ADCY1: variants seen among roughly 807,000 people sequenced by gnomAD.
ADCY1 encodes adenylate cyclase 1.
A neutral mutation model predicts 105.4 loss-of-function variants in ADCY1; 28 were observed. The observed-to-expected ratio is 0.27, with a 90% CI of 0.20 to 0.36. The LOEUF is 0.36. Ranked by LOEUF, ADCY1 falls within the 10% of genes least tolerant of loss-of-function variation. The pLI is 1.00. For missense variants in ADCY1, 977 were observed against 1,434.2 expected, an observed-to-expected ratio of 0.68 and a Z score of 5.15; for synonymous variants, 655 against 623.8, an observed-to-expected ratio of 1.05 and a Z score of -0.75.
chr7:45,671,331 G>A (rs181840496), intron 8 of ADCY1, among the ~76,000 whole-genome samples: 5 of 152,250 alleles, frequency 3.3e-5, no homozygotes, highest in Admixed American at 1.3e-4. Context: ...TTAGTCATTC[G>A]CTTGTTGAAG....
At chr7:45,696,070 G>A (rs746587127) in intron 14 of ADCY1, among the ~76,000 whole-genome samples, 14 of 152,212 alleles carry the variant, frequency 9.2e-5, no homozygotes, top group Non-Finnish European at 1.9e-4. Flanking sequence ...CAGACCCACC[G>A]GACATCCCCT....
Position 45,575,874 on chromosome 7 carries a change from T to TGCAAGGACGGGGAC in ADCY1, c.639+695_639+708dup, listed in dbSNP as rs1156748501. 6.6e-6 allele frequency among the ~76,000 whole-genome samples: 1 copy of TGCAAGGACGGGGAC among 152,248 alleles called. No individual in the cohort carries two copies. The highest frequency in any genetic ancestry group is 1.5e-5 in the Non-Finnish European group (1 of 68,042). On this transcript the variant is annotated intron_variant, in intron 1 of 19. Coordinates refer to ENST00000297323, the MANE Select transcript of ADCY1 (RefSeq NM_021116.4). This position sits in a 1 kb window ranked among gnomAD's most constrained non-coding sequence, Gnocchi z 4.7. ...TTCCCAGTCGGGCGGGCGAGATGGTTGCAAGGACGGGGACGCTGTCTGCCT... is the reference window on the plus strand; with the variant it reads ...TTCCCAGTCGGGCGGGCGAGATGGTTGCAAGGACGGGGACGCAAGGACGGGGACGCTGTCTGCCT...
chr7:45,598,974 G>A (rs998364439), intron 2 of ADCY1, among the ~76,000 whole-genome samples: 9 of 152,180 alleles, frequency 5.9e-5, no homozygotes, highest in Admixed American at 2.6e-4. Flanking sequence ...TTGGGTGGGC[G>A]TCAGGTGGAT....
At chr7:45,618,598 A>G (rs933696024) in intron 3 of ADCY1, among the ~76,000 whole-genome samples, 1 of 152,258 alleles carries the variant, frequency 6.6e-6, no homozygotes, top group Non-Finnish European at 1.5e-5. Flanking sequence ...GCAAATGGCC[A>G]ACAAGTATAT....
At chr7:45,680,334 T>C (rs751316072) in intron 11 of ADCY1, 5 of 176,790 alleles carry the variant, frequency 2.8e-5, no homozygotes, top group Non-Finnish European at 6.1e-5. Flanking sequence ...TGATGCCTCA[T>C]CTGCTTTGCT....
rs763942728 is a variant in ADCY1 at position 45,703,526 on chromosome 7, CCCTA to C, written c.2571+36_2571+39del. ...CCAGCCTGCTCCTGGCCAGCACTAG[CCCTA>C]CACTGCTCTGGCCACCCCACTTGGC... On this transcript the variant is annotated intron_variant, in intron 15 of 19. Coordinates refer to ENST00000297323, the MANE Select transcript of ADCY1 (RefSeq NM_021116.4). The surrounding 1 kb of genome is among the most constrained non-coding windows in gnomAD (Gnocchi z 5.9). The C allele has an allele frequency of 6.2e-7, 1 of 1,613,584 alleles. No homozygotes were observed. Among genetic ancestry groups the C allele is most frequent in the East Asian group, 2.2e-5 (1 of 44,850 alleles).
chr7:45,681,561 G>A (rs1209432095), intron 11 of ADCY1, among the ~76,000 whole-genome samples: 1 of 152,200 alleles, frequency 6.6e-6, no homozygotes, highest in Non-Finnish European at 1.5e-5. Flanking sequence ...GCAGAGTGGA[G>A]ACTAAGTGCC....
At chr7:45,608,751 G>A (rs1373737648) in intron 2 of ADCY1, among the ~76,000 whole-genome samples, 1 of 152,152 alleles carries the variant, frequency 6.6e-6, no homozygotes, top group Non-Finnish European at 1.5e-5. Context: ...TCCTCAGAAA[G>A]TGGGTGCCAA....
In ADCY1 at chr7:45,620,327, G is replaced by A. The variant is rs75258068; in HGVS notation, c.909-2305G>A. ...TATTTTACCTATAGTCAACAATAAT[G>A]TATAGTACACTTTAAAAAGAATTAG... On this transcript the variant is annotated intron_variant, in intron 3 of 19. Coordinates refer to ENST00000297323, the MANE Select transcript of ADCY1 (RefSeq NM_021116.4). Among the ~76,000 whole-genome samples the A allele has an allele frequency of 5.9e-3, 896 of 152,174 alleles. 8 individuals are homozygous for A. Among genetic ancestry groups the A allele is most frequent in the African/African-American group, 0.02 (847 of 41,504 alleles).
At position 45,708,475 on chromosome 7, in the gene ADCY1, C is replaced by G. The variant is rs1785165759; in HGVS notation, c.2932+11C>G. On this transcript the variant is annotated intron_variant, in intron 18 of 19. Coordinates refer to ENST00000297323, the MANE Select transcript of ADCY1 (RefSeq NM_021116.4). This position sits in a 1 kb window ranked among gnomAD's most constrained non-coding sequence, Gnocchi z 4.7. ...TTGTCCTCCGAGTTGGTATGTGGCT[C>G]TAAACCTATCCTGTCCATCCATGTG... The G allele has an allele frequency of 1.3e-6, 2 of 1,591,786 alleles. No homozygotes were observed.
chr7:45,602,314 G>A (rs1309005080), intron 2 of ADCY1, among the ~76,000 whole-genome samples: 1 of 152,020 alleles, frequency 6.6e-6, no homozygotes, highest in Non-Finnish European at 1.5e-5. Context: ...CGCAGCTGGA[G>A]AGCACAGGGT....
intron 4 of ADCY1, among the ~76,000 whole-genome samples, chr7:45,638,971 C>T (rs1311362575): frequency 2.0e-5 from 3 of 151,988 alleles, no homozygotes; most frequent in Middle Eastern, 3.4e-3. Context: ...GCAGGTGACC[C>T]CCATGAAGTA....
chr7:45,717,373 C>T lies in ADCY1; in HGVS notation c.*3378C>T, dbSNP rs1363965282. 2 of 152,570 alleles carry T rather than the reference C, an allele frequency of 1.3e-5. No homozygotes were observed. The highest frequency in any genetic ancestry group is 3.8e-4 in the East Asian group (2 of 5,200). The allele number at this position is 152,570 out of a possible 1,614,324, so 9.5% of individuals were successfully genotyped here. ...GGAACTGTGTTTAGCCATAATGTCC[C>T]TTGGGGTTTGGTGAAAAACAACTTC... On this transcript the variant is annotated 3_prime_UTR_variant, in exon 20 of 20. Transcript: ENST00000297323.
chr7:45,613,693 T>C (rs1488506110), intron 3 of ADCY1, among the ~76,000 whole-genome samples: 2 of 152,064 alleles, frequency 1.3e-5, no homozygotes, highest in Non-Finnish European at 2.9e-5. Flanking sequence ...ATAAGATGAA[T>C]ACCCCAAAAT....
At chr7:45,577,075 G>C (rs574658249) in intron 1 of ADCY1, among the ~76,000 whole-genome samples, 2 of 152,276 alleles carry the variant, frequency 1.3e-5, no homozygotes, top group African/African-American at 4.8e-5. Flanking sequence ...CCCTGTGACT[G>C]TCACTGTAGT....
At chr7:45,655,922 A>AT in intron 5 of ADCY1, among the ~76,000 whole-genome samples, 1 of 152,234 alleles carries the variant, frequency 6.6e-6, no homozygotes, top group South Asian at 2.1e-4. Flanking sequence ...TGAAAAATAA[A>AT]TTTTTTATTT....
At position 45,704,622 on chromosome 7, in the gene ADCY1, T is replaced by C; in HGVS notation, c.2817+6T>C. On this transcript the variant is annotated splice_donor_region_variant and intron_variant, in intron 17 of 19. Transcript: ENST00000297323. ...CGCCCACCTCGGGGACCAAGGTGAG[T>C]GCAGCCTGGCGCTGCCTGCTTGGGG... The C allele has an allele frequency of 6.2e-7, 1 of 1,612,602 alleles. No homozygotes were observed. The highest frequency in any genetic ancestry group is 8.5e-7 in the Non-Finnish European group (1 of 1,178,856).
rs78344730 is a variant in ADCY1 at position 45,578,914 on chromosome 7, T to C, written c.639+3732T>C. On this transcript the variant is annotated intron_variant, in intron 1 of 19. Transcript: ENST00000297323. ...CTGAAGTAGTAGGGATCCATTGCAG[T>C]GTGCAAATTATATGCTTTCAATTTC... Among the ~76,000 whole-genome samples the C allele has an allele frequency of 8.6e-3, 1,305 of 152,372 alleles. 77 individuals are homozygous for C. In the East Asian group the frequency reaches 0.13, roughly 15 times the overall value.
At position 45,722,133 on chromosome 7, in the gene ADCY1, G is replaced by A; in HGVS notation, c.*8138G>A. ...CAGGCACACGAAGCACAAGTCTCAG[G>A]GGACCATTCCCACATTGGGGGATCC... is the stretch of plus-strand genomic sequence containing the variant. On this transcript the variant is annotated 3_prime_UTR_variant, in exon 20 of 20. Coordinates refer to ENST00000297323, the MANE Select transcript of ADCY1 (RefSeq NM_021116.4). The A allele has an allele frequency of 6.6e-6, 2 of 302,152 alleles. No individual in the cohort carries two copies. The highest frequency in any genetic ancestry group is 1.2e-5 in the Non-Finnish European group (2 of 164,766). The allele number at this position is 302,152 out of a possible 1,614,324, so 18.7% of individuals were successfully genotyped here. A position where few individuals can be genotyped will look rare whatever the true frequency, so the allele number is the denominator to read the frequency against.
Sources: allele counts gnomAD v4.1 joint callset (sites outside exome capture counted in the v4.1 genomes callset), GRCh38; gene constraint gnomAD v4.1.1; non-coding constraint Gnocchi (gnomAD v3.1); transcripts MANE v1.5; gene names NCBI Gene and HGNC (gene_info 2026-07-23, HGNC 2026-07-21).